The following ZDHHC17 variants were observed in gnomAD, a reference collection of about 807,000 sequenced individuals.
The protein encoded by ZDHHC17 is palmitoyltransferase ZDHHC17.
A neutral mutation model predicts 90.3 loss-of-function variants in ZDHHC17; 40 were observed. The ratio of observed to expected loss-of-function variants is 0.44; its 90% CI spans 0.34 to 0.58. The LOEUF (loss-of-function observed/expected upper bound fraction) is 0.58, where lower values mean the gene tolerates loss of function less well. Ranked by LOEUF, ZDHHC17 falls within the 20% of genes least tolerant of loss-of-function variation. The pLI is 0.01. For missense variants in ZDHHC17, 614 were observed against 780.8 expected (o/e 0.79, Z 2.55); for synonymous variants, 235 against 252.4 (o/e 0.93, Z 0.65).
chr12:76,820,498 T>C (rs1953151810), intron 7 of ZDHHC17, among the ~76,000 whole-genome samples: 1 of 152,208 alleles, frequency 6.6e-6, no homozygotes, highest in African/African-American at 2.4e-5. Flanking sequence ...CTCTGAGTGC[T>C]ACACAAGCAG....
chr12:76,845,966 G>GA (rs1299867497), intron 13 of ZDHHC17, among the ~76,000 whole-genome samples, 164 bp downstream of exon 13: 6 of 152,096 alleles, frequency 3.9e-5, no homozygotes, highest in African/African-American at 1.4e-4. Flanking sequence ...GAGAGGGAGG[G>GA]AAAAAAATTA....
At chr12:76,828,064 A>T (rs1953250875) in intron 9 of ZDHHC17, among the ~76,000 whole-genome samples, 1 of 152,144 alleles carries the variant, frequency 6.6e-6, no homozygotes, top group African/African-American at 2.4e-5. Context: ...TCTTTGGTGA[A>T]TAGTATGCTG....
intron 2 of ZDHHC17, among the ~76,000 whole-genome samples, chr12:76,802,970 G>A (rs772833305): frequency 4.6e-5 from 7 of 151,908 alleles, no homozygotes; most frequent in Non-Finnish European, 8.8e-5. Flanking sequence ...AATTACATGA[G>A]GCCAGGCACA....
intron 13 of ZDHHC17, chr12:76,846,217 G>A: frequency 4.2e-6 from 1 of 238,920 alleles, no homozygotes; most frequent in Non-Finnish European, 8.1e-6. Context: ...GAGATTTTAT[G>A]AGGTGACAGG....
intron 1 of ZDHHC17, among the ~76,000 whole-genome samples, chr12:76,773,606 G>A (rs1952521390): frequency 6.6e-6 from 1 of 152,102 alleles, no homozygotes; most frequent in Admixed American, 6.5e-5. Flanking sequence ...GTTTACTCAG[G>A]TTCACATCAT....
chr12:76,829,435 G>A (rs1257223811), intron 10 of ZDHHC17, among the ~76,000 whole-genome samples: 4 of 120,130 alleles, frequency 3.3e-5, no homozygotes, highest in African/African-American at 6.5e-5. Flanking sequence ...CAGCCTGGGT[G>A]ACAGAGTGAG....
intron 1 of ZDHHC17, among the ~76,000 whole-genome samples, chr12:76,795,643 A>G (rs1451033554): frequency 6.6e-6 from 1 of 152,202 alleles, no homozygotes; most frequent in Non-Finnish European, 1.5e-5. Flanking sequence ...AATATAGAGC[A>G]TAGAGAGATT....
chr12:76,803,144 T>C (rs1006480610), intron 2 of ZDHHC17, among the ~76,000 whole-genome samples: 1 of 151,946 alleles, frequency 6.6e-6, no homozygotes, highest in African/African-American at 2.4e-5. Context: ...TCCCAGCTAC[T>C]AGGGAGGCTG....
chr12:76,767,538 A>G (rs1466008298), intron 1 of ZDHHC17, among the ~76,000 whole-genome samples: 1 of 152,166 alleles, frequency 6.6e-6, no homozygotes, highest in African/African-American at 2.4e-5. Context: ...TTTGTTTGTC[A>G]TGTTTGGGTA....
At position 76,800,885 on chromosome 12, in the gene ZDHHC17, C is replaced by CTTTT. The variant is rs71085458; in HGVS notation, c.197+3366_197+3369dup. Reference sequence around the variant, plus strand: ...AGGGACTTCTGTCATTTTGCCATTTCTTTTTTTTTTTTTTTTTTTTTAGAC... The same window carrying CTTTT: ...AGGGACTTCTGTCATTTTGCCATTTCTTTTTTTTTTTTTTTTTTTTTTTTTAGAC... On this transcript the variant is annotated intron_variant, in intron 2 of 16. Transcript: ENST00000426126. 8.0e-3 allele frequency among the ~76,000 whole-genome samples: 862 copies of CTTTT among 108,024 alleles called. 23 individuals are homozygous for CTTTT. The highest frequency in any genetic ancestry group is 0.012 in the Non-Finnish European group (671 of 54,620). The allele number at this position is 108,024 out of a possible 152,430, so 70.9% of individuals were successfully genotyped here. A position where few individuals can be genotyped will look rare whatever the true frequency, so the allele number is the denominator to read the frequency against.
chr12:76,846,323 CAAA>C (rs987158357), intron 13 of ZDHHC17: 11 of 360,912 alleles, frequency 3.0e-5, no homozygotes, highest in African/African-American at 2.3e-4. Flanking sequence ...TTAAACCTCA[CAAA>C]GAATAGGATT....
intron 1 of ZDHHC17, among the ~76,000 whole-genome samples, chr12:76,783,971 C>CAGAG (rs1555181085): frequency 6.6e-6 from 1 of 152,200 alleles, no homozygotes; most frequent in Non-Finnish European, 1.5e-5. Flanking sequence ...CTGGAGGGAG[C>CAGAG]AGAGTGTGTG....
At chr12:76,777,266 T>C (rs1469935393) in intron 1 of ZDHHC17, among the ~76,000 whole-genome samples, 3 of 152,326 alleles carry the variant, frequency 2.0e-5, no homozygotes, top group East Asian at 3.9e-4. Context: ...TTAAGAATGT[T>C]ACATAAGTGG....
intron 5 of ZDHHC17, among the ~76,000 whole-genome samples, chr12:76,811,228 A>T (rs991460322): frequency 6.6e-6 from 1 of 152,248 alleles, no homozygotes; most frequent in Admixed American, 6.5e-5. Flanking sequence ...ATGGGGGGTC[A>T]TCTGGAGAGC....
intron 9 of ZDHHC17, 56 bp downstream of exon 9, chr12:76,827,106 T>A (rs1953238869): frequency 6.8e-7 from 1 of 1,474,222 alleles, no homozygotes; most frequent in Non-Finnish European, 9.0e-7. Context: ...ATATAATTTG[T>A]ACTCTTGTAT....
intron 16 of ZDHHC17, chr12:76,849,783 T>C (rs1331977283): frequency 5.9e-6 from 1 of 170,862 alleles, no homozygotes; most frequent in Non-Finnish European, 1.2e-5. Context: ...TATTACCAAC[T>C]CTTCAGCTTT....
chr12:76,781,737 T>C (rs576491125), intron 1 of ZDHHC17: 24 of 453,978 alleles, frequency 5.3e-5, no homozygotes, highest in East Asian at 4.2e-4. Flanking sequence ...TGTTCTGTTA[T>C]AGCAACACAA....
At chr12:76,781,159 A>G (rs1051818560) in intron 1 of ZDHHC17, among the ~76,000 whole-genome samples, 4 of 144,584 alleles carry the variant, frequency 2.8e-5, no homozygotes, top group Admixed American at 2.1e-4. Context: ...AAAAAATCTG[A>G]TAAATCCAAG....
chr12:76,845,292 A>G (rs945927850), intron 12 of ZDHHC17: 1 of 152,252 alleles, frequency 6.6e-6, no homozygotes, highest in Admixed American at 6.5e-5. Context: ...CTAGTAAGGA[A>G]TAATTTTATT....
Sources: gnomAD v4.1 joint callset for allele counts (sites outside exome capture counted in the v4.1 genomes callset) on GRCh38, gnomAD v4.1.1 for gene constraint, MANE v1.5 for transcripts, NCBI Gene and HGNC (gene_info 2026-07-23, HGNC 2026-07-21) for gene names.